NIPAL2: variants seen among roughly 807,000 people sequenced by gnomAD.
NIPAL2 encodes NIPA-like protein 2.
In NIPAL2, 43 loss-of-function variants were observed where a neutral mutation model predicts 48.9. The ratio of observed to expected loss-of-function variants is 0.88; its 90% CI spans 0.69 to 1.13. The LOEUF (loss-of-function observed/expected upper bound fraction) is 1.13, where lower values mean the gene tolerates loss of function less well. NIPAL2 is among the 50% of genes most tolerant of loss of function. The pLI is 0.00. For synonymous variants in NIPAL2, 167 were observed against 174.6 expected, an observed-to-expected ratio of 0.96 and a Z score of 0.34; for missense variants, 446 against 461.4, an observed-to-expected ratio of 0.97 and a Z score of 0.31.
Position 98,271,449 on chromosome 8 carries a change from G to C in NIPAL2, c.136-17362C>G, listed in dbSNP as rs116406286. ...ATGTATTCCTAGGTATTTTATTTTT[G>C]TGTGTGGTTATTGTAAATGAGATTG... is the stretch of plus-strand genomic sequence containing the variant. On this transcript the variant is annotated intron_variant, in intron 1 of 10. Transcript: ENST00000430223. Among the ~76,000 whole-genome samples, 482 of 151,962 alleles carry C rather than the reference G, an allele frequency of 3.2e-3. 1 individual carries two copies. Among genetic ancestry groups the C allele is most frequent in the African/African-American group, 0.011 (454 of 41,436 alleles).
intron 1 of NIPAL2, among the ~76,000 whole-genome samples, chr8:98,268,309 A>G (rs1230934745): frequency 1.3e-5 from 2 of 152,010 alleles, no homozygotes; most frequent in South Asian, 2.1e-4. Flanking sequence ...GGCAGGTCCA[A>G]TAATTACCAC....
At chr8:98,281,785 G>C (rs968878618) in intron 1 of NIPAL2, among the ~76,000 whole-genome samples, 2 of 152,220 alleles carry the variant, frequency 1.3e-5, no homozygotes, top group African/African-American at 4.8e-5. Flanking sequence ...TCTGTCTAGG[G>C]TAGGGACTGT....
At chr8:98,260,037 T>C (rs1814199034) in intron 1 of NIPAL2, among the ~76,000 whole-genome samples, 1 of 151,742 alleles carries the variant, frequency 6.6e-6, no homozygotes, top group Admixed American at 6.6e-5. Flanking sequence ...GGTGAGAGAG[T>C]GGAGTGCGGA....
At chr8:98,245,067 G>T (rs1218611370) in intron 3 of NIPAL2, among the ~76,000 whole-genome samples, 1 of 152,094 alleles carries the variant, frequency 6.6e-6, no homozygotes, top group African/African-American at 2.4e-5. Context: ...GACATGAAAA[G>T]AACATATTTA....
chr8:98,224,819 TG>T lies in NIPAL2; in HGVS notation c.437-2220del, dbSNP rs532985025. ...TGTCACCCAGGCTGGAGTGCAGTGG[TG>T]CAAACTCAGCTTACTGCAACCTCCG... On this transcript the variant is annotated intron_variant, in intron 4 of 10. Coordinates refer to ENST00000430223, the MANE Select transcript of NIPAL2 (RefSeq NM_001321635.2). 5.3e-4 allele frequency among the ~76,000 whole-genome samples: 77 copies of T among 145,770 alleles called. No homozygotes were observed. In the East Asian group the frequency reaches 0.014, roughly 27 times the overall value.
intron 3 of NIPAL2, among the ~76,000 whole-genome samples, chr8:98,251,184 T>C (rs980363297): frequency 7.3e-5 from 11 of 151,720 alleles, no homozygotes; most frequent in Non-Finnish European, 1.5e-5. Flanking sequence ...GGCTATTTCA[T>C]GGAAACGGCA....
At chr8:98,269,145 C>A (rs1268422885) in intron 1 of NIPAL2, among the ~76,000 whole-genome samples, 1 of 152,200 alleles carries the variant, frequency 6.6e-6, no homozygotes, top group African/African-American at 2.4e-5. Context: ...AAGTCTTGAA[C>A]CCTTCCAAGT....
At chr8:98,199,762 G>T (rs1810719380) in intron 8 of NIPAL2, among the ~76,000 whole-genome samples, 1 of 152,118 alleles carries the variant, frequency 6.6e-6, no homozygotes, top group Non-Finnish European at 1.5e-5. Flanking sequence ...CAACAGACTT[G>T]TTCGATGCAG....
intron 5 of NIPAL2, among the ~76,000 whole-genome samples, chr8:98,219,253 G>A (rs1563496535): frequency 6.6e-6 from 1 of 152,138 alleles, no homozygotes; most frequent in Non-Finnish European, 1.5e-5. Flanking sequence ...CTCAGGAGGG[G>A]CCTGGGAAGG....
At chr8:98,260,214 C>A (rs1315363001) in intron 1 of NIPAL2, among the ~76,000 whole-genome samples, 2 of 152,150 alleles carry the variant, frequency 1.3e-5, no homozygotes, top group Admixed American at 6.5e-5. Flanking sequence ...CTATAAGTGA[C>A]CCCTGCAAAG....
At chr8:98,220,029 TA>T (rs1811772126) in intron 5 of NIPAL2, among the ~76,000 whole-genome samples, 1 of 151,904 alleles carries the variant, frequency 6.6e-6, no homozygotes. Flanking sequence ...AAGGGGTGTG[TA>T]GTGTATGAGA....
At chr8:98,254,685 T>G (rs1451086477) in intron 1 of NIPAL2, among the ~76,000 whole-genome samples, 2 of 152,234 alleles carry the variant, frequency 1.3e-5, no homozygotes, top group Admixed American at 1.3e-4. Flanking sequence ...TTCTCTGCAG[T>G]CTACTATATC....
chr8:98,263,897 A>C (rs1211403548), intron 1 of NIPAL2, among the ~76,000 whole-genome samples: 4 of 131,712 alleles, frequency 3.0e-5, no homozygotes, highest in Admixed American at 1.6e-4. Context: ...TACTGGCAAA[A>C]TGAATCCAGC....
chr8:98,244,642 G>C (rs565259746), intron 3 of NIPAL2, among the ~76,000 whole-genome samples: 16 of 151,642 alleles, frequency 1.1e-4, no homozygotes, highest in Admixed American at 1.0e-3. Context: ...TGCTGGCCAT[G>C]GTGGTGATGG....
At chr8:98,226,431 T>G (rs1177353868) in intron 4 of NIPAL2, among the ~76,000 whole-genome samples, 2 of 152,202 alleles carry the variant, frequency 1.3e-5, no homozygotes, top group African/African-American at 4.8e-5. Flanking sequence ...TGGCCATATC[T>G]ACATGAGGGG....
chr8:98,195,414 C>G (rs953445753), intron 9 of NIPAL2, among the ~76,000 whole-genome samples: 1 of 152,078 alleles, frequency 6.6e-6, no homozygotes, highest in African/African-American at 2.4e-5. Context: ...GATATATTGT[C>G]AAAGTTCTGC....
At chr8:98,289,714 A>G (rs1290137192) in intron 1 of NIPAL2, among the ~76,000 whole-genome samples, 1 of 152,172 alleles carries the variant, frequency 6.6e-6, no homozygotes, top group African/African-American at 2.4e-5. Flanking sequence ...CACATTGGAT[A>G]CATAAGGAAG....
chr8:98,216,984 C>G (rs1369242763), intron 5 of NIPAL2: 1 of 855,192 alleles, frequency 1.2e-6, no homozygotes, highest in East Asian at 1.2e-4. Context: ...TTTTAACATG[C>G]TAACAGAGAT....
intron 1 of NIPAL2, among the ~76,000 whole-genome samples, chr8:98,263,499 A>G (rs1352821073): frequency 6.6e-6 from 1 of 150,854 alleles, no homozygotes; most frequent in Non-Finnish European, 1.5e-5. Context: ...TACTACAAAC[A>G]CCTCTATGCA....
Sources: gnomAD v4.1 joint callset for allele counts (sites outside exome capture counted in the v4.1 genomes callset) on GRCh38, gnomAD v4.1.1 for gene constraint, MANE v1.5 for transcripts, NCBI Gene and HGNC (gene_info 2026-07-23, HGNC 2026-07-21) for gene names.